Variants in INTU observed in about 807,000 individuals in gnomAD.
The protein encoded by INTU is protein inturned.
A neutral mutation model predicts 100.5 loss-of-function variants in INTU; 68 were observed. The ratio of observed to expected loss-of-function variants is 0.68; its 90% CI spans 0.56 to 0.83. The LOEUF (loss-of-function observed/expected upper bound fraction) is 0.83. Among genes scored for constraint, INTU ranks in the 40% least tolerant of loss-of-function variants. The pLI is 0.00. For missense variants in INTU, 1,071 were observed against 1,114.7 expected (o/e 0.96, Z 0.56); for synonymous variants, 357 against 395.7 (o/e 0.90, Z 1.16).
Position 127,687,865 on chromosome 4 carries a change from A to G in INTU, c.1447A>G (p.Lys483Glu), listed in dbSNP as rs545419297. 3.8e-6 allele frequency: 6 copies of G among 1,575,946 alleles called. 1 individual carries two copies. Among genetic ancestry groups the G allele is most frequent in the African/African-American group, 2.7e-5 (2 of 74,312 alleles). The change falls in exon 8 of 16, where the codon AAG (lysine) becomes GAG (glutamate). Residue 483 changes from lysine (K) to glutamate (E), a missense_variant and splice_region_variant. Lys to Glu is a moderately conservative substitution (Grantham distance 56, BLOSUM62 1). Coordinates refer to ENST00000335251, the MANE Select transcript of INTU (RefSeq NM_015693.4). ...VRWLTLPLEIKMELDMALSDL... is the reference protein window; with the variant it reads ...VRWLTLPLEIEMELDMALSDL... ...GTGGCTCACACTTCCACTGGAAATC[A>G]AGGTAATCTTAGGTATTATAAAGCA...
chr4:127,648,869 C>A (rs1727704295), intron 2 of INTU, among the ~76,000 whole-genome samples: 1 of 151,442 alleles, frequency 6.6e-6, no homozygotes, highest in Non-Finnish European at 1.5e-5. Flanking sequence ...TTATTTTGGT[C>A]TGCAAGTTCT....
intron 3 of INTU, among the ~76,000 whole-genome samples, chr4:127,659,851 T>C (rs1050923057): frequency 1.3e-4 from 20 of 152,200 alleles, no homozygotes; most frequent in African/African-American, 3.4e-4. Flanking sequence ...GGCAAAGGCT[T>C]CTTAAAGGAA....
chr4:127,651,762 A>T (rs561030239), intron 2 of INTU, among the ~76,000 whole-genome samples: 4,495 of 150,910 alleles, frequency 0.03, 282 homozygotes, highest in African/African-American at 0.1. Context: ...GAAGAAAGTC[A>T]TTGGTAGCTT....
At chr4:127,687,938 TC>T (rs1729907044) in intron 8 of INTU, 71 bp downstream of exon 8, 2 of 1,063,898 alleles carry the variant, frequency 1.9e-6, no homozygotes, top group Middle Eastern at 2.9e-4. Flanking sequence ...TCTCTTTTTT[TC>T]GTAGACTTTT....
intron 1 of INTU, among the ~76,000 whole-genome samples, chr4:127,635,766 C>T (rs1305816257): frequency 1.3e-5 from 2 of 152,190 alleles, no homozygotes; most frequent in Non-Finnish European, 2.9e-5. Context: ...ACATATCCAT[C>T]TCGCCTAAGA....
At chr4:127,669,640 TC>T (rs1728836066) in intron 5 of INTU, among the ~76,000 whole-genome samples, 1 of 151,842 alleles carries the variant, frequency 6.6e-6, no homozygotes, top group Non-Finnish European at 1.5e-5. Context: ...CATATTCTGT[TC>T]TTACAACAAT....
At chr4:127,660,290 G>A (rs7439365) in intron 3 of INTU, among the ~76,000 whole-genome samples, 4,617 of 152,264 alleles carry the variant, frequency 0.03, 304 homozygotes, top group East Asian at 0.26. Context: ...GTCACTCAGT[G>A]AGGTGGCCCA....
intron 1 of INTU, among the ~76,000 whole-genome samples, chr4:127,642,205 G>A (rs919910574): frequency 6.6e-6 from 1 of 152,152 alleles, no homozygotes; most frequent in Non-Finnish European, 1.5e-5. Flanking sequence ...GGTACAGATA[G>A]GTATTGTTGA....
chr4:127,637,989 C>T (rs1418385379), intron 1 of INTU, among the ~76,000 whole-genome samples: 4 of 152,186 alleles, frequency 2.6e-5, no homozygotes, highest in African/African-American at 4.8e-5. Flanking sequence ...AGAGCTTCAG[C>T]TCATCTGAGA....
intron 15 of INTU, 127 bp from the exon 16 acceptor site, chr4:127,716,198 T>G (rs1242516670): frequency 2.0e-6 from 1 of 510,108 alleles, no homozygotes; most frequent in East Asian, 3.0e-5. Context: ...TAGTATAGAT[T>G]TAGATTCATG....
At chr4:127,678,556 G>C (rs1729350802) in intron 6 of INTU, among the ~76,000 whole-genome samples, 1 of 152,026 alleles carries the variant, frequency 6.6e-6, no homozygotes, top group South Asian at 2.1e-4. Context: ...AATGCTGAGA[G>C]ATTTTGTCAC....
Sources: gnomAD v4.1 joint callset for allele counts (sites outside exome capture counted in the v4.1 genomes callset) on GRCh38, gnomAD v4.1.1 for gene constraint, MANE v1.5 for transcripts, NCBI Gene and HGNC (gene_info 2026-07-23, HGNC 2026-07-21) for gene names.